Variants in NOL8 observed in about 807,000 individuals in gnomAD.
NOL8 encodes the protein nucleolar protein Nop132.
A neutral mutation model predicts 116.1 loss-of-function variants in NOL8; 93 were observed. That is an observed-to-expected ratio of 0.80 (90% CI 0.68 to 0.95). The LOEUF is 0.95. NOL8 is among the 40% of genes least tolerant of loss of function. The pLI is 0.00. For missense variants in NOL8, 1,291 were observed against 1,382.8 expected, an observed-to-expected ratio of 0.93 and a Z score of 1.05; for synonymous variants, 419 against 469.0, an observed-to-expected ratio of 0.89 and a Z score of 1.38.
rs1398439859 is a variant in NOL8 at position 92,324,185 on chromosome 9, G to A, written c.-24C>T. The stretch of plus-strand genomic sequence containing the variant: ...ATGAAGGCTGGGCATATACTTGGGT[G>A]TGTTTCAGTGGGAAAAGTAATTTTC... On this transcript the variant is annotated 5_prime_UTR_variant, in exon 2 of 17. Transcript: ENST00000442668. 6.2e-7 allele frequency: 1 copy of A among 1,600,316 alleles called. No individual in the cohort carries two copies. Among genetic ancestry groups the A allele is most frequent in the East Asian group, 2.2e-5 (1 of 44,738 alleles).
chr9:92,298,475 T>C (rs1837439725), intron 15 of NOL8, 139 bp from the exon 16 acceptor site: 2 of 570,988 alleles, frequency 3.5e-6, no homozygotes, highest in Non-Finnish European at 6.1e-6. Flanking sequence ...TTTCAAAAAT[T>C]AGTATTTTTT....
chr9:92,315,133 C>A lies in NOL8; in HGVS notation c.1492G>T (p.Asp498Tyr). 6.2e-7 allele frequency: 1 copy of A among 1,614,004 alleles called. No homozygotes were observed. The highest frequency in any genetic ancestry group is 8.5e-7 in the Non-Finnish European group (1 of 1,179,896). ...GTATCTTCATTTGGAACCTTCAGAT[C>A]ACTGCCAGCCAATTGTTCCAAATCA... ...LADLEQLAGS[D>Y]LKVPNEDTKS... Residue 498 changes from aspartate (D) to tyrosine (Y), a missense_variant, in exon 7 of 17, where the codon GAT becomes TAT. By Grantham distance (160) the Asp-to-Tyr change is radical. Coordinates refer to ENST00000442668, the MANE Select transcript of NOL8 (RefSeq NM_017948.6).
Position 92,316,340 on chromosome 9 carries a change from T to C in NOL8, c.487-202A>G, listed in dbSNP as rs16936488. 4.9e-3 allele frequency among the ~76,000 whole-genome samples: 753 copies of C among 152,318 alleles called. 41 individuals are homozygous for C. In the East Asian group the frequency reaches 0.12, roughly 23 times the overall value. On this transcript the variant is annotated intron_variant, in intron 6 of 16. Coordinates refer to ENST00000442668, the MANE Select transcript of NOL8 (RefSeq NM_017948.6). ...CTATGACATTTGCTGAGTTAAAGTC[T>C]AGTACCACCACTATTAGTTGGCAGA...
chr9:92,323,999 G>C, intron 2 of NOL8, 24 bp downstream of exon 2: 1 of 1,612,264 alleles, frequency 6.2e-7, no homozygotes, highest in Non-Finnish European at 8.5e-7. Context: ...GCCTATAACT[G>C]CCCAGTGAAG....
rs143310038 is a variant in NOL8 at position 92,318,963 on chromosome 9, T to G, written c.417+258A>C. ...TGAACAGGCAAACTTGGGACCTGCC[T>G]GTATTCCTTGCTACCTATGTCCCTT... On this transcript the variant is annotated intron_variant, in intron 5 of 16. Transcript: ENST00000442668. 2,764 of 515,518 alleles carry G rather than the reference T, an allele frequency of 5.4e-3. 17 individuals are homozygous for G. The highest frequency in any genetic ancestry group is 7.7e-3 in the Non-Finnish European group (2,321 of 300,494). 31.9% of individuals were successfully genotyped at this position (515,518 alleles called of 1,614,324 possible). A position where few individuals can be genotyped will look rare whatever the true frequency, so the allele number is the denominator to read the frequency against.
At position 92,297,761 on chromosome 9, in the gene NOL8, G is replaced by C; in HGVS notation, c.*75C>G. On this transcript the variant is annotated 3_prime_UTR_variant, in exon 17 of 17. Coordinates refer to ENST00000442668, the MANE Select transcript of NOL8 (RefSeq NM_017948.6). The stretch of plus-strand genomic sequence containing the variant: ...TCACTCTGAAATTTCTTCTTTGTCA[G>C]CTAAAACTGTTTTCTGGGTCAGTTT... 3.6e-6 allele frequency: 4 copies of C among 1,118,038 alleles called. No homozygotes were observed. The highest frequency in any genetic ancestry group is 5.0e-6 in the Non-Finnish European group (4 of 793,972). 69.3% of individuals were successfully genotyped at this position (1,118,038 alleles called of 1,614,324 possible).
At position 92,314,504 on chromosome 9, in the gene NOL8, T is replaced by C. The variant is rs775954716; in HGVS notation, c.2121A>G (p.Ser707=). 6 of 1,613,652 alleles carry C rather than the reference T, an allele frequency of 3.7e-6. No homozygotes were observed. In the South Asian group the frequency reaches 6.6e-5, roughly 18 times the overall value. The change falls in exon 7 of 17, where the codon TCA becomes TCG. Residue 707 remains serine (S), a synonymous_variant. Transcript: ENST00000442668. ...SCHSTTKTEA[S]QEERSDSSGL... is the part of the protein sequence containing the mutation. Reference sequence around the variant, plus strand: ...CGCTTGAATCAGACCGCTCTTCCTGTGAAGCTTCTGTCTTTGTGGTACTAT... The same window carrying C: ...CGCTTGAATCAGACCGCTCTTCCTGCGAAGCTTCTGTCTTTGTGGTACTAT...
intron 6 of NOL8, among the ~76,000 whole-genome samples, chr9:92,316,772 A>G (rs927000613): frequency 6.6e-6 from 1 of 152,220 alleles, no homozygotes; most frequent in African/African-American, 2.4e-5. Flanking sequence ...CCTGGGCAAC[A>G]TGGTGAGAAC....
intron 14 of NOL8, 60 bp downstream of exon 14, chr9:92,299,830 T>G: frequency 1.3e-6 from 2 of 1,548,498 alleles, no homozygotes; most frequent in Non-Finnish European, 1.8e-6. Flanking sequence ...ATTTCTAAAG[T>G]ATGTCTAATT....
intron 15 of NOL8, 41 bp downstream of exon 15, chr9:92,298,843 C>T (rs1837471197): frequency 1.7e-6 from 2 of 1,163,342 alleles, no homozygotes; most frequent in African/African-American, 1.6e-5. Context: ...TGTATTATTA[C>T]CTGTTCTATG....
At position 92,304,393 on chromosome 9, in the gene NOL8, T is replaced by C. The variant is rs143967876; in HGVS notation, c.2903+1360A>G. 1.2e-4 allele frequency among the ~76,000 whole-genome samples: 19 copies of C among 152,324 alleles called. 1 individual carries two copies. Among genetic ancestry groups the C allele is most frequent in the South Asian group, 4.1e-4 (2 of 4,822 alleles). ...GTAGATAACTTGCTTTTTTAGTTCA[T>C]AGGTCTTATCAAACAGAACTGCACT... On this transcript the variant is annotated intron_variant, in intron 12 of 16. Transcript: ENST00000442668.
At position 92,324,216 on chromosome 9, in the gene NOL8, A is replaced by T; in HGVS notation, c.-48-7T>A. On this transcript the variant is annotated splice_region_variant and splice_polypyrimidine_tract_variant and intron_variant, in intron 1 of 16. Transcript: ENST00000442668. Reference sequence around the variant, plus strand: ...CAGTGGGAAAAGTAATTTTCTGTATACAGAGAAGAGTTCTTTCCCTTAGTT... The same window carrying T: ...CAGTGGGAAAAGTAATTTTCTGTATTCAGAGAAGAGTTCTTTCCCTTAGTT... The T allele has an allele frequency of 6.4e-7, 1 of 1,557,370 alleles. No homozygotes were observed. The highest frequency in any genetic ancestry group is 1.7e-4 in the Middle Eastern group (1 of 5,808).
At chr9:92,304,872 G>C (rs1838088630) in intron 12 of NOL8, among the ~76,000 whole-genome samples, 1 of 152,048 alleles carries the variant, frequency 6.6e-6, no homozygotes, top group African/African-American at 2.4e-5. Flanking sequence ...GTTGTTTCAA[G>C]ATTCAATTCA....
At chr9:92,323,393 G>C in intron 3 of NOL8, 48 bp downstream of exon 3, 6 of 1,552,474 alleles carry the variant, frequency 3.9e-6, no homozygotes, top group Non-Finnish European at 5.3e-6. Context: ...CCAAGTTACA[G>C]AGTCATACAA....
intron 12 of NOL8, among the ~76,000 whole-genome samples, chr9:92,303,386 C>A (rs543390843): frequency 2.6e-5 from 4 of 152,220 alleles, no homozygotes; most frequent in Non-Finnish European, 5.9e-5. Context: ...AAACAAACAT[C>A]ATTTCATGAA....
chr9:92,309,695 A>G (rs1564216449), intron 10 of NOL8, among the ~76,000 whole-genome samples: 1 of 152,206 alleles, frequency 6.6e-6, no homozygotes, highest in Non-Finnish European at 1.5e-5. Flanking sequence ...TTCTGATAGC[A>G]TCATTACTCT....
At chr9:92,312,842 A>G (rs1287664378) in intron 7 of NOL8, among the ~76,000 whole-genome samples, 6 of 150,802 alleles carry the variant, frequency 4.0e-5, no homozygotes, top group East Asian at 3.9e-4. Flanking sequence ...AAAAAAAAAA[A>G]AAAAAAGAAA....
In NOL8 at chr9:92,298,295, T is replaced by G; in HGVS notation, c.3415A>C (p.Arg1139=). Residue 1139 remains arginine, a synonymous_variant, in exon 16 of 17, where the codon AGG becomes CGG. Coordinates refer to ENST00000442668, the MANE Select transcript of NOL8 (RefSeq NM_017948.6). ...FWRGVGSNMS[R]NSWEARTTNL... is the part of the protein sequence containing the mutation. Reference sequence around the variant, plus strand: ...GTTGTTCTGGCCTCCCAAGAGTTCCTGCTCATATTACTTCCTACTCCTCTC... The same window carrying G: ...GTTGTTCTGGCCTCCCAAGAGTTCCGGCTCATATTACTTCCTACTCCTCTC... 6.2e-7 allele frequency: 1 copy of G among 1,609,756 alleles called. No homozygotes were observed. The highest frequency in any genetic ancestry group is 8.5e-7 in the Non-Finnish European group (1 of 1,178,100).
At chr9:92,303,691 G>C (rs1318843397) in intron 12 of NOL8, among the ~76,000 whole-genome samples, 2 of 152,198 alleles carry the variant, frequency 1.3e-5, no homozygotes, top group Admixed American at 1.3e-4. Flanking sequence ...TGTATTTCCA[G>C]CTATGTGGGA....
Sources: gnomAD v4.1 joint callset for allele counts (sites outside exome capture counted in the v4.1 genomes callset) on GRCh38, gnomAD v4.1.1 for gene constraint, MANE v1.5 for transcripts, NCBI Gene and HGNC (gene_info 2026-07-23, HGNC 2026-07-21) for gene names.